Variants in LMF1 observed in about 807,000 individuals in gnomAD.
LMF1 encodes the protein lipase maturation factor 1.
LMF1 carries 68 observed loss-of-function variants against 60.6 expected under a neutral mutation model. The observed-to-expected ratio is 1.12, with a 90% CI of 0.92 to 1.37. The LOEUF is 1.37. Among genes scored for constraint, LMF1 ranks in the 40% most tolerant of loss-of-function variants. LMF1 has a pLI of 0.00. For synonymous variants in LMF1, 418 were observed against 324.7 expected (o/e 1.29, Z -3.09); for missense variants, 948 against 767.2 (o/e 1.24, Z -2.78).
chr16:942,242 G>A (rs1207266547), intron 2 of LMF1, among the ~76,000 whole-genome samples: 2 of 152,166 alleles, frequency 1.3e-5, no homozygotes, highest in Non-Finnish European at 2.9e-5. Flanking sequence ...ATCATCCTCT[G>A]GCCTCCAGTG....
rs1331883456 is a variant in LMF1 at position 930,963 on chromosome 16, A to G, written c.514+3281T>C. Among the ~76,000 whole-genome samples, 5 of 152,100 alleles carry G rather than the reference A, an allele frequency of 3.3e-5. No homozygotes were observed. The East Asian group carries it at 9.7e-4, about 29-fold the overall frequency. On this transcript the variant is annotated intron_variant, in intron 3 of 10. Coordinates refer to ENST00000262301, the MANE Select transcript of LMF1 (RefSeq NM_022773.4). Reference sequence around the variant, plus strand: ...CTGTGAAATCCCATCTCTACTAAAAATACAAAAATTAGCCGGGCGTGGTGG... The same window carrying G: ...CTGTGAAATCCCATCTCTACTAAAAGTACAAAAATTAGCCGGGCGTGGTGG...
intron 6 of LMF1, chr16:872,189 A>T (rs1434387900): frequency 6.6e-6 from 1 of 152,180 alleles, no homozygotes; most frequent in Non-Finnish European, 1.5e-5. Flanking sequence ...TGCATGGGTG[A>T]TGGTCTGCAG....
At chr16:942,514 G>A (rs1164492087) in intron 2 of LMF1, among the ~76,000 whole-genome samples, 1 of 150,896 alleles carries the variant, frequency 6.6e-6, no homozygotes, top group Non-Finnish European at 1.5e-5. Flanking sequence ...AAGTATGTTA[G>A]ACCACCTGGT....
chr16:932,001 G>T (rs552962593), intron 3 of LMF1, among the ~76,000 whole-genome samples: 1 of 152,232 alleles, frequency 6.6e-6, no homozygotes, highest in African/African-American at 2.4e-5. Flanking sequence ...GAGCGCAAGC[G>T]CAGCCCCCGA....
At chr16:978,526 C>G (rs1458493010) in intron 1 of LMF1, among the ~76,000 whole-genome samples, 3 of 152,118 alleles carry the variant, frequency 2.0e-5, no homozygotes, top group Non-Finnish European at 4.4e-5. Flanking sequence ...GCGCCCAGGC[C>G]AGGGCATGTG....
upstream of LMF1, among the ~76,000 whole-genome samples, chr16:974,781 C>A (rs1214234217): frequency 6.6e-6 from 1 of 152,252 alleles, no homozygotes; most frequent in Non-Finnish European, 1.5e-5. Context: ...GGCCTGGCAG[C>A]TCCCGCCTCC....
At chr16:925,199 T>C (rs768771779) in intron 3 of LMF1, among the ~76,000 whole-genome samples, 4 of 152,242 alleles carry the variant, frequency 2.6e-5, no homozygotes, top group Non-Finnish European at 5.9e-5. Flanking sequence ...ACATCCTGCA[T>C]CCATACAGTT....
chr16:954,247 G>T (rs779395168), intron 2 of LMF1, 110 bp downstream of exon 2: 3 of 1,150,202 alleles, frequency 2.6e-6, no homozygotes, highest in Admixed American at 2.0e-5. Flanking sequence ...CCTCCTGAAG[G>T]AATTTAAGAT....
At chr16:863,295 C>G (rs532094748) in intron 10 of LMF1, among the ~76,000 whole-genome samples, 5 of 152,194 alleles carry the variant, frequency 3.3e-5, no homozygotes, top group Non-Finnish European at 7.4e-5. Flanking sequence ...CACCTGCCAC[C>G]ACGCCCAGCC....
intron 4 of LMF1, among the ~76,000 whole-genome samples, chr16:909,334 G>C (rs2071046883): frequency 6.6e-6 from 1 of 152,136 alleles, no homozygotes. Flanking sequence ...GCTATGCCCA[G>C]ACATGGACGT....
intron 4 of LMF1, among the ~76,000 whole-genome samples, chr16:910,203 G>A (rs758283145): frequency 6.6e-6 from 1 of 152,240 alleles, no homozygotes; most frequent in African/African-American, 2.4e-5. Flanking sequence ...TGTGAACTCA[G>A]AGGTCACATT....
chr16:940,293 G>A (rs936171784), intron 2 of LMF1, among the ~76,000 whole-genome samples: 1 of 152,134 alleles, frequency 6.6e-6, no homozygotes. Flanking sequence ...ACGTGGTCAC[G>A]GTCATGGCTG....
At chr16:976,902 C>T (rs1236942414) in intron 1 of LMF1, 11 of 454,124 alleles carry the variant, frequency 2.4e-5, no homozygotes, top group East Asian at 7.0e-5. Context: ...CCCGCCAGCG[C>T]GGGTTCACGG....
rs567154522 is a variant in LMF1, at chr16:927,743, A to G, written c.514+6501T>C. Reference sequence around the variant, plus strand: ...CCAGCACTAATAGGGCTTAATAAAAACTTCCAGTTGGGCCAGTGAACCCCT... The same window carrying G: ...CCAGCACTAATAGGGCTTAATAAAAGCTTCCAGTTGGGCCAGTGAACCCCT... On this transcript the variant is annotated intron_variant, in intron 3 of 10. Transcript: ENST00000262301. Among the ~76,000 whole-genome samples the G allele has an allele frequency of 1.4e-4, 21 of 152,278 alleles. 1 individual carries two copies. In the South Asian group the frequency reaches 3.9e-3, roughly 29 times the overall value.
chr16:876,485 C>A (rs914478759), intron 6 of LMF1, among the ~76,000 whole-genome samples: 3 of 152,224 alleles, frequency 2.0e-5, no homozygotes, highest in Non-Finnish European at 4.4e-5. Flanking sequence ...GTTTATCAGT[C>A]CTGCCTATCA....
chr16:869,308 C>A (rs955483552), intron 9 of LMF1: 22 of 675,618 alleles, frequency 3.3e-5, no homozygotes, highest in Non-Finnish European at 5.4e-5. Context: ...CTGTCCACCC[C>A]AGCACCCTCT....
intron 4 of LMF1, 74 bp from the exon 5 acceptor site, chr16:893,146 C>T: frequency 7.6e-7 from 1 of 1,310,442 alleles, no homozygotes; most frequent in Non-Finnish European, 1.1e-6. Flanking sequence ...AAACAGCTTC[C>T]CAGGAAGACG....
At chr16:958,836 GAC>G (rs2072761960) in intron 1 of LMF1, among the ~76,000 whole-genome samples, 1 of 151,796 alleles carries the variant, frequency 6.6e-6, no homozygotes, top group Non-Finnish European at 1.5e-5. Context: ...GGAGTGAGCC[GAC>G]ACAGCGCCAC....
chr16:973,726 CACCG>C (rs2073087106), upstream of LMF1, among the ~76,000 whole-genome samples: 1 of 152,200 alleles, frequency 6.6e-6, no homozygotes, highest in Non-Finnish European at 1.5e-5. Flanking sequence ...TGAGGCCGGG[CACCG>C]GGGCTCACGC....
Sources: allele counts gnomAD v4.1 joint callset (sites outside exome capture counted in the v4.1 genomes callset), GRCh38; gene constraint gnomAD v4.1.1; transcripts MANE v1.5; gene names NCBI Gene and HGNC (gene_info 2026-07-23, HGNC 2026-07-21).